ST8SIA1: variants seen among roughly 807,000 people sequenced by gnomAD.
The protein encoded by ST8SIA1 is ST8 alpha-N-acetyl-neuraminide alpha-2,8-sialyltransferase 1.
A neutral mutation model predicts 35.9 loss-of-function variants in ST8SIA1; 16 were observed. That is an observed-to-expected ratio of 0.45 (90% CI 0.30 to 0.68). ST8SIA1 has a LOEUF of 0.68. ST8SIA1 is among the 30% of genes least tolerant of loss of function. ST8SIA1 has a pLI of 0.09. For synonymous variants in ST8SIA1, 170 were observed against 169.6 expected (o/e 1.00, Z -0.02); for missense variants, 383 against 453.6 (o/e 0.84, Z 1.41).
chr12:22,233,620 C>A (rs1354566923), intron 4 of ST8SIA1, among the ~76,000 whole-genome samples: 1 of 151,836 alleles, frequency 6.6e-6, no homozygotes, highest in Non-Finnish European at 1.5e-5. Flanking sequence ...CGATGCCAAC[C>A]ATAAACCCCT....
In ST8SIA1 at chr12:22,194,780, T is replaced by G. The variant is rs1451415679; in HGVS notation, c.*6772A>C. 6.6e-6 allele frequency: 1 copy of G among 152,058 alleles called. No homozygotes were observed. The highest frequency in any genetic ancestry group is 1.5e-5 in the Non-Finnish European group (1 of 68,022). The allele number at this position is 152,058 out of a possible 1,614,324, so 9.4% of individuals were successfully genotyped here. On this transcript the variant is annotated 3_prime_UTR_variant, in exon 5 of 5. Coordinates refer to ENST00000396037, the MANE Select transcript of ST8SIA1 (RefSeq NM_003034.4). ...CTATGCATAGCCCACTTTCCAAGGG[T>G]GAGGGTCAAAGTGACACTTGCTGCT...
chr12:22,255,515 G>A, intron 2 of ST8SIA1, 126 bp from the exon 3 acceptor site: 1 of 803,580 alleles, frequency 1.2e-6, no homozygotes, highest in Non-Finnish European at 2.1e-6. Flanking sequence ...AAGAGCATGT[G>A]AAAAGAAAGA....
rs142528967 is a variant in ST8SIA1 at position 22,334,032 on chromosome 12, C to T, written c.201G>A (p.Ala67=). ...IVQGVLQQGT[A]WRRNQTAARA... ...TGGCCGCGGTCTGGTTCCTCCTCCA[C>T]GCCGTGCCCTGTTGCAGCACCCCCT... Residue 67 remains alanine (A), a synonymous_variant, in exon 1 of 5, where the codon GCG becomes GCA. Transcript: ENST00000396037. 6.2e-7 allele frequency: 1 copy of T among 1,613,928 alleles called. No homozygotes were observed. Among genetic ancestry groups the T allele is most frequent in the Non-Finnish European group, 8.5e-7 (1 of 1,180,024 alleles).
chr12:22,297,848 G>A (rs1866265944), intron 1 of ST8SIA1, among the ~76,000 whole-genome samples: 1 of 152,094 alleles, frequency 6.6e-6, no homozygotes, highest in African/African-American at 2.4e-5. Flanking sequence ...TGAGTTGACT[G>A]GTGGCTAGAG....
At chr12:22,256,120 A>C (rs1865726006) in intron 2 of ST8SIA1, among the ~76,000 whole-genome samples, 1 of 152,214 alleles carries the variant, frequency 6.6e-6, no homozygotes, top group South Asian at 2.1e-4. Context: ...AGCAGCGTAA[A>C]CAACGACACA....
intron 4 of ST8SIA1, among the ~76,000 whole-genome samples, chr12:22,208,094 C>T (rs1243666792): frequency 1.4e-4 from 20 of 147,074 alleles, no homozygotes; most frequent in African/African-American, 4.5e-4. Context: ...GAGCCAAAAT[C>T]GTGCCACTGC....
chr12:22,235,755 A>G (rs947765933), intron 4 of ST8SIA1, among the ~76,000 whole-genome samples: 7 of 152,190 alleles, frequency 4.6e-5, no homozygotes, highest in Non-Finnish European at 1.0e-4. Flanking sequence ...GTCAACTGCT[A>G]AAGTGGCGTT....
chr12:22,316,282 T>G (rs1444072508), intron 1 of ST8SIA1, among the ~76,000 whole-genome samples: 1 of 152,166 alleles, frequency 6.6e-6, no homozygotes, highest in Non-Finnish European at 1.5e-5. Flanking sequence ...AAAGCTATGG[T>G]ATGGCTTTAG....
chr12:22,298,069 G>A (rs982614839), intron 1 of ST8SIA1, among the ~76,000 whole-genome samples: 2 of 152,158 alleles, frequency 1.3e-5, no homozygotes, highest in African/African-American at 4.8e-5. Context: ...AATAGCTTCT[G>A]TATAGCTGAA....
At chr12:22,327,205 T>G (rs993536002) in intron 1 of ST8SIA1, among the ~76,000 whole-genome samples, 1 of 152,220 alleles carries the variant, frequency 6.6e-6, no homozygotes. Context: ...ACATGTTCTA[T>G]TCTCCTCCCT....
intron 2 of ST8SIA1, among the ~76,000 whole-genome samples, chr12:22,262,668 C>A (rs1391450696): frequency 6.6e-6 from 1 of 152,160 alleles, no homozygotes; most frequent in African/African-American, 2.4e-5. Context: ...AAAATGTAAA[C>A]CACTTAGTGG....
chr12:22,296,155 A>G (rs1485042112), intron 1 of ST8SIA1, among the ~76,000 whole-genome samples: 2 of 152,172 alleles, frequency 1.3e-5, no homozygotes, highest in African/African-American at 2.4e-5. Flanking sequence ...CTGAAAGGCC[A>G]TCAAGGAAAC....
chr12:22,260,449 C>T (rs1285306219), intron 2 of ST8SIA1, among the ~76,000 whole-genome samples: 3 of 152,196 alleles, frequency 2.0e-5, no homozygotes, highest in Non-Finnish European at 2.9e-5. Flanking sequence ...TGAGCCACCG[C>T]GCCCAGCCTC....
At chr12:22,294,838 T>C (rs1367221844) in intron 1 of ST8SIA1, among the ~76,000 whole-genome samples, 3 of 152,232 alleles carry the variant, frequency 2.0e-5, no homozygotes, top group Admixed American at 6.5e-5. Flanking sequence ...TCAATGTTTC[T>C]AGGAAGGATT....
intron 2 of ST8SIA1, among the ~76,000 whole-genome samples, chr12:22,255,596 C>T (rs1037291148): frequency 2.6e-5 from 4 of 152,104 alleles, no homozygotes; most frequent in African/African-American, 9.7e-5. Flanking sequence ...TTTAAAAAGC[C>T]TCCCTGAAGT....
At chr12:22,288,828 T>C (rs998402222) in intron 1 of ST8SIA1, among the ~76,000 whole-genome samples, 1 of 152,194 alleles carries the variant, frequency 6.6e-6, no homozygotes, top group Non-Finnish European at 1.5e-5. Context: ...CTCATTCATT[T>C]TTATTGGTGT....
intron 1 of ST8SIA1, among the ~76,000 whole-genome samples, chr12:22,287,647 T>C (rs1346725713): frequency 2.0e-5 from 3 of 152,190 alleles, no homozygotes; most frequent in Non-Finnish European, 4.4e-5. Context: ...ATAGCTAACT[T>C]TGGAGACTGT....
At chr12:22,242,793 A>G (rs1486826881) in intron 4 of ST8SIA1, among the ~76,000 whole-genome samples, 2 of 152,194 alleles carry the variant, frequency 1.3e-5, no homozygotes, top group Non-Finnish European at 2.9e-5. Flanking sequence ...AAGAAAAAGG[A>G]TAATAGTAAG....
chr12:22,252,668 G>A (rs982461505), intron 3 of ST8SIA1, among the ~76,000 whole-genome samples: 1 of 152,120 alleles, frequency 6.6e-6, no homozygotes, highest in African/African-American at 2.4e-5. Flanking sequence ...AATCAGAAGC[G>A]TTCATTAATT....
Sources: allele counts gnomAD v4.1 joint callset (sites outside exome capture counted in the v4.1 genomes callset), GRCh38; gene constraint gnomAD v4.1.1; transcripts MANE v1.5; gene names NCBI Gene and HGNC (gene_info 2026-07-23, HGNC 2026-07-21).